ABCA2: variants seen among roughly 807,000 people sequenced by gnomAD.
ABCA2 encodes the protein ATP binding cassette subfamily A member 2.
A neutral mutation model predicts 262.8 loss-of-function variants in ABCA2; 84 were observed. The observed-to-expected ratio is 0.32, with a 90% CI of 0.27 to 0.38. ABCA2 has a LOEUF of 0.38. ABCA2 is among the 10% of genes least tolerant of loss of function. ABCA2 has a pLI of 1.00. For synonymous variants in ABCA2, 1,696 were observed against 1,502.9 expected, an observed-to-expected ratio of 1.13 and a Z score of -2.97; for missense variants, 2,662 against 3,405.9, an observed-to-expected ratio of 0.78 and a Z score of 5.44.
At position 137,019,272 on chromosome 9, in the gene ABCA2, G is replaced by C. The variant is rs771388958; in HGVS notation, c.1460C>G (p.Thr487Ser). The change falls in exon 11 of 49, where the codon ACT (threonine) becomes AGT (serine). Residue 487 changes from threonine to serine, a missense_variant. By Grantham distance (58) the Thr-to-Ser change is moderately conservative (BLOSUM62 1). Transcript: ENST00000341511. The surrounding 1 kb of genome is among the most constrained non-coding windows in gnomAD (Gnocchi z 4.4). ...GTTGAGCCAGACCTGGGCATAGTGA[G>C]TCACGTTGCCCACAAAAGCAAAAGT... ...NETFAFVGNVTHYAQVWLNIS... is the reference protein window; with the variant it reads ...NETFAFVGNVSHYAQVWLNIS... The C allele has an allele frequency of 2.5e-6, 4 of 1,612,602 alleles. No individual in the cohort carries two copies. Among genetic ancestry groups the C allele is most frequent in the Admixed American group, 1.7e-5 (1 of 59,986 alleles).
At position 137,021,983 on chromosome 9, in the gene ABCA2, C is replaced by G; in HGVS notation, c.586G>C (p.Gly196Arg). 1 of 1,586,270 alleles carries G rather than the reference C, an allele frequency of 6.3e-7. No homozygotes were observed. Among genetic ancestry groups the G allele is most frequent in the African/African-American group, 1.4e-5 (1 of 69,802 alleles). Reference protein sequence around the residue: ...DPPEVYHLLFGPSSALDSQSG... With the variant: ...DPPEVYHLLFRPSSALDSQSG... ...TGTGAATCCAGGGCAGATGAGGGAC[C>G]AAAGAGCAGGTGGTAGACCTAGGAG... Residue 196 changes from glycine to arginine, a missense_variant, in exon 7 of 49, where the codon GGT (glycine) becomes CGT (arginine). By Grantham distance (125) the Gly-to-Arg change is moderately radical. Coordinates refer to ENST00000341511, the MANE Select transcript of ABCA2 (RefSeq NM_001606.5). The surrounding 1 kb of genome is among the most constrained non-coding windows in gnomAD (Gnocchi z 6.0).
Position 137,021,632 on chromosome 9 carries a change from G to A in ABCA2, c.679-22C>T, listed in dbSNP as rs1009174119. The A allele has an allele frequency of 1.1e-5, 17 of 1,540,828 alleles. No individual in the cohort carries two copies. Among genetic ancestry groups the A allele is most frequent in the East Asian group, 2.4e-5 (1 of 40,874 alleles). ...GCTCCTGGGATGGGCACAGGGGTCCGTGGAGCCACGGCAAGGACTTTGTCC... is the reference window on the plus strand; with the variant it reads ...GCTCCTGGGATGGGCACAGGGGTCCATGGAGCCACGGCAAGGACTTTGTCC... On this transcript the variant is annotated intron_variant, in intron 7 of 48. Transcript: ENST00000341511. The surrounding 1 kb of genome is among the most constrained non-coding windows in gnomAD (Gnocchi z 6.0).
At chr9:137,010,826 G>T (rs965349135) in intron 39 of ABCA2, 89 bp from the exon 40 acceptor site, 4 of 1,475,182 alleles carry the variant, frequency 2.7e-6, no homozygotes, top group African/African-American at 2.8e-5. Flanking sequence ...GCTGTGGCAT[G>T]TAAGAAGGGT....
intron 48 of ABCA2, 191 bp from the exon 49 acceptor site, chr9:137,008,155 T>C: frequency 1.2e-6 from 1 of 830,322 alleles, no homozygotes; most frequent in South Asian, 1.5e-5. Context: ...TGAGTCTACA[T>C]CGGTCCCCTG....
chr9:137,014,724 C>T lies in ABCA2; in HGVS notation c.3969G>A (p.Ser1323=), dbSNP rs777041330. The change falls in exon 26 of 49, where the codon TCG becomes TCA. Residue 1323 remains serine (S), a synonymous_variant. Coordinates refer to ENST00000341511, the MANE Select transcript of ABCA2 (RefSeq NM_001606.5). The part of the protein sequence containing the change: ...TTLEEVFLKV[S]EEDQSLENSE... ...TGTTCTCCAGCGACTGATCCTCCTC[C>T]GACACCTTGAGGAACACTTCCTCCA... 63 of 1,605,306 alleles carry T rather than the reference C, an allele frequency of 3.9e-5. 2 individuals carry two copies. The highest frequency in any genetic ancestry group is 3.4e-4 in the South Asian group (30 of 89,150).
In ABCA2 at chr9:137,007,907, T is replaced by C; in HGVS notation, c.*22A>G. Reference sequence around the variant, plus strand: ...TCTGGGTGGTCAGTGGAGCGTGTCCTCCCTGGCCCAGCTCTGGGTGGTCAG... The same window carrying C: ...TCTGGGTGGTCAGTGGAGCGTGTCCCCCCTGGCCCAGCTCTGGGTGGTCAG... On this transcript the variant is annotated 3_prime_UTR_variant, in exon 49 of 49. Coordinates refer to ENST00000341511, the MANE Select transcript of ABCA2 (RefSeq NM_001606.5). The C allele has an allele frequency of 6.2e-7, 1 of 1,604,640 alleles. No homozygotes were observed. Among genetic ancestry groups the C allele is most frequent in the Non-Finnish European group, 8.5e-7 (1 of 1,179,616 alleles).
intron 14 of ABCA2, 40 bp from the exon 15 acceptor site, chr9:137,018,115 C>T: frequency 6.2e-7 from 1 of 1,609,944 alleles, no homozygotes; most frequent in Non-Finnish European, 8.5e-7. Flanking sequence ...GGCAGGCCCT[C>T]TCGTCCTCAC....
chr9:137,020,473 G>T lies in ABCA2; in HGVS notation c.1288C>A (p.Arg430=). The T allele has an allele frequency of 6.2e-7, 1 of 1,603,160 alleles. No homozygotes were observed. Among genetic ancestry groups the T allele is most frequent in the Non-Finnish European group, 8.5e-7 (1 of 1,175,106 alleles). ...NNRTIEPEAL[R]RGNMSSLGFT... ...CCCAGGGAGCTCATGTTGCCCCGCC[G>T]CAGCGCCTCGGGTTCAATGGTGCTG... Residue 430 remains arginine, a synonymous_variant, in exon 10 of 49, where the codon CGG becomes AGG. Transcript: ENST00000341511.
At position 137,022,768 on chromosome 9, in the gene ABCA2, G is replaced by C; in HGVS notation, c.373C>G (p.Arg125Gly). 1 of 1,601,892 alleles carries C rather than the reference G, an allele frequency of 6.2e-7. No individual in the cohort carries two copies. Among genetic ancestry groups the C allele is most frequent in the South Asian group, 1.1e-5 (1 of 88,948 alleles). ...GCACTGAGGGCCTCCAGATGCTGGCGTAGGGCCTCGAGCTCTGAGCCCAGG... is the reference window on the plus strand; with the variant it reads ...GCACTGAGGGCCTCCAGATGCTGGCCTAGGGCCTCGAGCTCTGAGCCCAGG... ...PSLGSELEAL[R>G]QHLEALSAGP... is the part of the protein sequence containing the mutation. Residue 125 changes from arginine to glycine, a missense_variant, in exon 5 of 49, where the codon CGC becomes GGC. Around this residue, in one of 12 missense-constraint regions of ABCA2, gnomAD observed 403 missense variants for 375.9 expected, o/e 1.07. Transcript: ENST00000341511.
intron 1 of ABCA2, 111 bp from the exon 2 acceptor site, chr9:137,024,347 C>T: frequency 2.2e-6 from 2 of 918,474 alleles, no homozygotes; most frequent in Non-Finnish European, 1.6e-6. Context: ...CTCCCTGGGG[C>T]CAGGGAAGGT....
chr9:137,012,070 G>A, intron 34 of ABCA2, 32 bp downstream of exon 34: 1 of 1,612,458 alleles, frequency 6.2e-7, no homozygotes, highest in Non-Finnish European at 8.5e-7. Context: ...GTGCCCACCT[G>A]CCCCACCTCA....
In ABCA2 at chr9:137,022,010, T is replaced by C. The variant is rs544874703; in HGVS notation, c.568-9A>G. On this transcript the variant is annotated splice_polypyrimidine_tract_variant and intron_variant, in intron 6 of 48. Coordinates refer to ENST00000341511, the MANE Select transcript of ABCA2 (RefSeq NM_001606.5). ...AAGAGCAGGTGGTAGACCTAGGAGG[T>C]GTGGGGGAATGGCTCAGATGGGGTG... 1.3e-5 allele frequency: 5 copies of C among 372,028 alleles called. No homozygotes were observed. The highest frequency in any genetic ancestry group is 2.0e-5 in the Non-Finnish European group (5 of 245,880). 23.0% of individuals were successfully genotyped at this position (372,028 alleles called of 1,614,324 possible). A position where few individuals can be genotyped will look rare whatever the true frequency, so the allele number is the denominator to read the frequency against.
In ABCA2 at chr9:137,009,826, G is replaced by A. The variant is rs775597011; in HGVS notation, c.6573C>T (p.Asn2191=). The part of the protein sequence containing the change: ...DKPAGTYSGG[N]KRKLSTAIAL... ...CGATGGCCGTGGAGAGCTTCCGCTT[G>A]TTGCCGCCGCTGTAGGTGCCAGCCG... Residue 2191 remains asparagine (N), a synonymous_variant, in exon 43 of 49, where the codon AAC becomes AAT. Transcript: ENST00000341511. 2.5e-6 allele frequency: 4 copies of A among 1,612,408 alleles called. No homozygotes were observed. Among genetic ancestry groups the A allele is most frequent in the African/African-American group, 2.7e-5 (2 of 74,912 alleles).
At position 137,011,408 on chromosome 9, in the gene ABCA2, T is replaced by C. The variant is rs756987696; in HGVS notation, c.5798A>G (p.Lys1933Arg). ...CCCACCATGTCGTCACCGCCCCACC[T>C]TGTCGTGCTCGAAGAGCTGTAGCAG... Reference protein sequence around the residue: ...TFLLQLFEHDKDLKVVNSYLK... With the variant: ...TFLLQLFEHDRDLKVVNSYLK... Residue 1933 changes from lysine to arginine, a missense_variant and splice_region_variant, in exon 37 of 49, where the codon AAG becomes AGG. Transcript: ENST00000341511. This position sits in a 1 kb window ranked among gnomAD's most constrained non-coding sequence, Gnocchi z 8.8. The C allele has an allele frequency of 6.2e-7, 1 of 1,610,536 alleles. No individual in the cohort carries two copies. The highest frequency in any genetic ancestry group is 8.5e-7 in the Non-Finnish European group (1 of 1,178,942).
At chr9:137,023,405 C>A in intron 3 of ABCA2, 2 of 710,424 alleles carry the variant, frequency 2.8e-6, no homozygotes, top group Admixed American at 3.5e-5. Context: ...CAGGGGAGGA[C>A]AAAGGACCCC....
rs780671373 is a variant in ABCA2, at chr9:137,016,946, G to A, written c.2732C>T (p.Thr911Met). 3.7e-6 allele frequency: 6 copies of A among 1,612,700 alleles called. No individual in the cohort carries two copies. The highest frequency in any genetic ancestry group is 1.1e-5 in the South Asian group (1 of 91,076). The change falls in exon 19 of 49, where the codon ACG (threonine) becomes ATG (methionine). Residue 911 changes from threonine to methionine, a missense_variant. Thr to Met is a moderately conservative substitution (Grantham distance 81). Coordinates refer to ENST00000341511, the MANE Select transcript of ABCA2 (RefSeq NM_001606.5). The part of the protein sequence containing the change: ...MVDAVVYGIL[T>M]WYIEAVHPGM... ...TGGGTGCACAGCCTCAATGTACCAC[G>A]TGAGGATGCCATAGACCACGGCGTC...
At position 137,012,996 on chromosome 9, in the gene ABCA2, C is replaced by T. The variant is rs1378769122; in HGVS notation, c.4867+6G>A. 9.4e-6 allele frequency: 14 copies of T among 1,491,068 alleles called. No individual in the cohort carries two copies. Among genetic ancestry groups the T allele is most frequent in the Non-Finnish European group, 1.3e-5 (14 of 1,118,186 alleles). 92.4% of individuals were successfully genotyped at this position (1,491,068 alleles called of 1,614,324 possible). A position where few individuals can be genotyped will look rare whatever the true frequency, so the allele number is the denominator to read the frequency against. ...TGCCCCCCCAGCAGGCCCCCTGAAC[C>T]ACTACCTGGCCCAGCGGTGGGCGGC... On this transcript the variant is annotated splice_donor_region_variant and intron_variant, in intron 30 of 48. Transcript: ENST00000341511.
At chr9:137,008,039 C>T in intron 48 of ABCA2, 75 bp from the exon 49 acceptor site, 1 of 1,534,968 alleles carries the variant, frequency 6.5e-7, no homozygotes, top group South Asian at 1.2e-5. Flanking sequence ...CTTGTGCTGG[C>T]CCGCCCCGGC....
In ABCA2 at chr9:137,010,376, C is replaced by T. The variant is rs1458827899; in HGVS notation, c.6175-5G>A. On this transcript the variant is annotated splice_polypyrimidine_tract_variant and splice_region_variant and intron_variant, in intron 40 of 48. Coordinates refer to ENST00000341511, the MANE Select transcript of ABCA2 (RefSeq NM_001606.5). ...AATCTTCCGGGACTTGTAGACCTGGCCAGGAGCCTGCCCACTCAGCGGGGC... is the reference window on the plus strand; with the variant it reads ...AATCTTCCGGGACTTGTAGACCTGGTCAGGAGCCTGCCCACTCAGCGGGGC... The T allele has an allele frequency of 6.4e-7, 1 of 1,562,744 alleles. No homozygotes were observed. The highest frequency in any genetic ancestry group is 1.2e-5 in the South Asian group (1 of 85,068).
Sources: gnomAD v4.1 joint callset for allele counts on GRCh38, gnomAD v4.1.1 for gene constraint, gnomAD v4.1.1 regional missense constraint, Gnocchi (gnomAD v3.1) non-coding constraint, MANE v1.5 for transcripts, NCBI Gene and HGNC (gene_info 2026-07-23, HGNC 2026-07-21) for gene names.